PKN2: variants seen among roughly 807,000 people sequenced by gnomAD.
PKN2 encodes serine/threonine-protein kinase N2.
Under a neutral mutation model 119.1 loss-of-function variants are expected in PKN2, and 38 were observed. The observed-to-expected ratio is 0.32, with a 90% CI of 0.25 to 0.42. The LOEUF (loss-of-function observed/expected upper bound fraction) is 0.42, where lower values mean the gene tolerates loss of function less well. PKN2 is among the 10% of genes least tolerant of loss of function. The pLI, the probability that PKN2 is intolerant of heterozygous loss-of-function variation, is 1.00. For synonymous variants in PKN2, 390 were observed against 384.9 expected, an observed-to-expected ratio of 1.01 and a Z score of -0.15; for missense variants, 850 against 1,165.1, an observed-to-expected ratio of 0.73 and a Z score of 3.94.
intron 1 of PKN2, among the ~76,000 whole-genome samples, chr1:88,688,204 G>A (rs968048854): frequency 6.6e-6 from 1 of 152,038 alleles, no homozygotes; most frequent in Non-Finnish European, 1.5e-5. Flanking sequence ...TCCTGCCTCA[G>A]CCTCCCAAGT....
intron 19 of PKN2, among the ~76,000 whole-genome samples, chr1:88,830,087 C>T (rs1199801798): frequency 6.6e-6 from 1 of 152,098 alleles, no homozygotes; most frequent in African/African-American, 2.4e-5. Context: ...ATCTTCTGCC[C>T]ATTTTCGGAG....
At chr1:88,780,987 A>T in intron 6 of PKN2, 1 of 636,662 alleles carries the variant, frequency 1.6e-6, no homozygotes, top group Non-Finnish European at 2.0e-6. Flanking sequence ...AACTTTACTC[A>T]AAGTTATATA....
At chr1:88,825,558 G>A (rs966437922) in intron 18 of PKN2, among the ~76,000 whole-genome samples, 3 of 152,098 alleles carry the variant, frequency 2.0e-5, no homozygotes, top group Admixed American at 6.6e-5. Flanking sequence ...TCTACTTCCC[G>A]TATGTAGTTA....
chr1:88,700,401 C>G (rs967697297), intron 1 of PKN2, among the ~76,000 whole-genome samples: 4 of 152,292 alleles, frequency 2.6e-5, no homozygotes, highest in Middle Eastern at 3.4e-3. Context: ...ACTTTTCCTT[C>G]TTCCTTTTTT....
chr1:88,741,088 A>G lies in PKN2; in HGVS notation c.149A>G (p.Asp50Gly). Residue 50 changes from aspartate to glycine, a missense_variant, in exon 2 of 22, where the codon GAT (aspartate) becomes GGT (glycine). By Grantham distance (94) the Asp-to-Gly change is moderately conservative (BLOSUM62 -1). This residue lies in a region of PKN2 where 73 missense variants were observed against 61.2 expected (regional missense o/e 1.19). Coordinates refer to ENST00000370521, the MANE Select transcript of PKN2 (RefSeq NM_006256.4). ...MVQQKLDDIKDRIKREIRKEL... is the reference protein window; with the variant it reads ...MVQQKLDDIKGRIKREIRKEL... ...CAGCAGAAATTGGATGATATCAAGG[A>G]TCGAATTAAGAGAGAAATAAGGAAA... is the stretch of plus-strand genomic sequence containing the variant. 3.1e-6 allele frequency: 5 copies of G among 1,611,558 alleles called. No individual in the cohort carries two copies. Among genetic ancestry groups the G allele is most frequent in the Non-Finnish European group, 4.2e-6 (5 of 1,178,884 alleles).
At chr1:88,697,608 T>C (rs750236529) in intron 1 of PKN2, among the ~76,000 whole-genome samples, 29 of 152,198 alleles carry the variant, frequency 1.9e-4, no homozygotes, top group Admixed American at 3.3e-4. Flanking sequence ...ATTCAGAATT[T>C]GTCCTTAGCA....
At chr1:88,801,717 C>T (rs148529862) in intron 8 of PKN2, among the ~76,000 whole-genome samples, 13 of 152,326 alleles carry the variant, frequency 8.5e-5, no homozygotes, top group East Asian at 3.9e-4. Context: ...AAAGTCAGCA[C>T]GGAGACAAAG....
rs1342168513 is a variant in PKN2 at position 88,757,902 on chromosome 1, C to T, written c.350-2320C>T. ...CTAAAAATACAAAAAATTAGCCGGG[C>T]GTGGTGGCAGGCGCCTGTAACACTA... On this transcript the variant is annotated intron_variant, in intron 2 of 21. Transcript: ENST00000370521. 4.0e-5 allele frequency among the ~76,000 whole-genome samples: 6 copies of T among 151,542 alleles called. No individual in the cohort carries two copies. The South Asian group carries it at 8.3e-4, about 21-fold the overall frequency.
intron 19 of PKN2, among the ~76,000 whole-genome samples, chr1:88,830,493 G>C (rs2100935102): frequency 6.6e-6 from 1 of 151,920 alleles, no homozygotes; most frequent in South Asian, 2.1e-4. Context: ...GGGTTTTTTT[G>C]GTTTTGTTTC....
chr1:88,798,380 AAAAT>A (rs1442416386), intron 8 of PKN2, among the ~76,000 whole-genome samples: 5 of 152,050 alleles, frequency 3.3e-5, no homozygotes, highest in African/African-American at 1.2e-4. Context: ...GCAGAGTTTT[AAAAT>A]AAATAAATAA....
At chr1:88,780,706 A>C (rs553191950) in intron 6 of PKN2, among the ~76,000 whole-genome samples, 1 of 151,058 alleles carries the variant, frequency 6.6e-6, no homozygotes. Context: ...CAGGGACTAT[A>C]CTGCAGGCAA....
chr1:88,685,793 C>G (rs1232045723), intron 1 of PKN2, among the ~76,000 whole-genome samples: 1 of 151,996 alleles, frequency 6.6e-6, no homozygotes, highest in Non-Finnish European at 1.5e-5. Context: ...TCAAGAAATT[C>G]TGAAGAGTTG....
At chr1:88,690,748 A>G (rs924026536) in intron 1 of PKN2, among the ~76,000 whole-genome samples, 1 of 152,186 alleles carries the variant, frequency 6.6e-6, no homozygotes, top group Non-Finnish European at 1.5e-5. Context: ...CATTATATAC[A>G]TAAATATTGC....
intron 9 of PKN2, 150 bp from the exon 10 acceptor site, chr1:88,804,696 T>C (rs1671464362): frequency 1.3e-6 from 1 of 753,204 alleles, no homozygotes; most frequent in African/African-American, 1.8e-5. Context: ...GACAAATCAA[T>C]TATTCTTCCT....
intron 1 of PKN2, among the ~76,000 whole-genome samples, chr1:88,723,039 AT>A (rs1667747085): frequency 2.0e-5 from 3 of 152,122 alleles, no homozygotes; most frequent in Admixed American, 2.0e-4. Flanking sequence ...GACCTGAAGG[AT>A]AAGGAGTTAG....
intron 1 of PKN2, among the ~76,000 whole-genome samples, chr1:88,740,637 T>A (rs1341603936): frequency 6.6e-6 from 1 of 152,164 alleles, no homozygotes; most frequent in African/African-American, 2.4e-5. Context: ...AAAAGTTAAG[T>A]AACTTGCTCA....
chr1:88,748,092 A>G (rs923303558), intron 2 of PKN2, among the ~76,000 whole-genome samples: 2 of 152,174 alleles, frequency 1.3e-5, no homozygotes, highest in African/African-American at 4.8e-5. Context: ...TTTTTATGAT[A>G]TATTTTCCAA....
chr1:88,729,465 C>T (rs143213346), intron 1 of PKN2, among the ~76,000 whole-genome samples: 109 of 152,300 alleles, frequency 7.2e-4, no homozygotes, highest in African/African-American at 2.1e-3. Context: ...GACTGGAATG[C>T]CTACTGTGGC....
intron 1 of PKN2, among the ~76,000 whole-genome samples, chr1:88,711,231 A>G (rs938927649): frequency 6.6e-6 from 1 of 152,158 alleles, no homozygotes; most frequent in Non-Finnish European, 1.5e-5. Flanking sequence ...AATCTGTACA[A>G]TAAACCGCCA....
Sources: allele counts gnomAD v4.1 joint callset (sites outside exome capture counted in the v4.1 genomes callset), GRCh38; gene constraint gnomAD v4.1.1; regional missense constraint gnomAD v4.1.1; transcripts MANE v1.5; gene names NCBI Gene and HGNC (gene_info 2026-07-23, HGNC 2026-07-21).